Variants in OLFM3 observed in about 807,000 individuals in gnomAD.
OLFM3 encodes noelin-3.
A neutral mutation model predicts 48.6 loss-of-function variants in OLFM3; 20 were observed. The ratio of observed to expected loss-of-function variants is 0.41; its 90% CI spans 0.29 to 0.60. The LOEUF is 0.60. Ranked by LOEUF, OLFM3 falls within the 20% of genes least tolerant of loss-of-function variation. The pLI is 0.28. For missense variants in OLFM3, 437 were observed against 544.3 expected (o/e 0.80, Z 1.96); for synonymous variants, 222 against 198.1 (o/e 1.12, Z -1.01).
intron 1 of OLFM3, among the ~76,000 whole-genome samples, chr1:101,966,133 C>A (rs1224386557): frequency 6.6e-6 from 1 of 151,836 alleles, no homozygotes; most frequent in East Asian, 1.9e-4. Context: ...TTTTCTTTAA[C>A]CTTCTCATAT....
chr1:101,812,582 A>T, intron 4 of OLFM3: 1 of 985,542 alleles, frequency 1.0e-6, no homozygotes, highest in Non-Finnish European at 1.2e-6. Context: ...AGCCTTATCT[A>T]ATCGACATTT....
intron 1 of OLFM3, among the ~76,000 whole-genome samples, chr1:101,861,540 G>A (rs1235590052): frequency 6.6e-6 from 1 of 152,220 alleles, no homozygotes; most frequent in Non-Finnish European, 1.5e-5. Flanking sequence ...AATAGTTGCT[G>A]ATTGGCAGCT....
chr1:101,988,028 T>C (rs980367943), intron 1 of OLFM3, among the ~76,000 whole-genome samples: 2 of 152,102 alleles, frequency 1.3e-5, no homozygotes, highest in African/African-American at 4.8e-5. Flanking sequence ...GTTCTTGGAA[T>C]AATGTAGTAG....
intron 3 of OLFM3, among the ~76,000 whole-genome samples, chr1:101,830,236 C>T (rs1451861970): frequency 6.6e-6 from 1 of 151,984 alleles, no homozygotes; most frequent in African/African-American, 2.4e-5. Flanking sequence ...AAATAATTGC[C>T]AATACAACAC....
intron 1 of OLFM3, among the ~76,000 whole-genome samples, chr1:101,959,685 A>T (rs528024363): frequency 6.6e-6 from 1 of 152,258 alleles, no homozygotes; most frequent in Non-Finnish European, 1.5e-5. Context: ...AAGGTGACTC[A>T]ATCTCCAATG....
intron 1 of OLFM3, among the ~76,000 whole-genome samples, chr1:101,957,806 C>T (rs989653729): frequency 6.6e-6 from 1 of 151,968 alleles, no homozygotes; most frequent in Non-Finnish European, 1.5e-5. Flanking sequence ...CATCAGATAT[C>T]TAGCAATAAT....
intron 1 of OLFM3, among the ~76,000 whole-genome samples, chr1:101,889,877 T>C (rs1657920614): frequency 6.6e-6 from 1 of 152,082 alleles, no homozygotes; most frequent in African/African-American, 2.4e-5. Flanking sequence ...TCATATCATT[T>C]GAACCTATAA....
intron 1 of OLFM3, among the ~76,000 whole-genome samples, chr1:101,888,630 A>C (rs1657866645): frequency 1.3e-5 from 2 of 152,220 alleles, no homozygotes; most frequent in Admixed American, 6.5e-5. Flanking sequence ...CAATGGCAAC[A>C]AAAGCCAAAA....
intron 1 of OLFM3, among the ~76,000 whole-genome samples, chr1:101,981,359 T>C (rs947505961): frequency 6.6e-6 from 1 of 152,220 alleles, no homozygotes; most frequent in African/African-American, 2.4e-5. Flanking sequence ...ATTCCCATTT[T>C]AAAACAAATC....
intron 1 of OLFM3, among the ~76,000 whole-genome samples, chr1:101,993,435 C>G (rs1397037994): frequency 6.6e-6 from 1 of 152,050 alleles, no homozygotes; most frequent in Non-Finnish European, 1.5e-5. Flanking sequence ...ATAGTTCTTT[C>G]CCTATAAAAT....
At chr1:101,863,355 G>T (rs1432562559) in intron 1 of OLFM3, among the ~76,000 whole-genome samples, 1 of 152,174 alleles carries the variant, frequency 6.6e-6, no homozygotes, top group Non-Finnish European at 1.5e-5. Flanking sequence ...TCTGAGTTCT[G>T]CTTTCTGCTG....
At chr1:101,842,733 C>T (rs1422827678) in intron 1 of OLFM3, among the ~76,000 whole-genome samples, 1 of 152,178 alleles carries the variant, frequency 6.6e-6, no homozygotes, top group Non-Finnish European at 1.5e-5. Context: ...CACTGCTTTA[C>T]AGGCAGCCCC....
intron 1 of OLFM3, among the ~76,000 whole-genome samples, chr1:101,944,157 T>G (rs913882144): frequency 6.6e-6 from 1 of 151,914 alleles, no homozygotes; most frequent in Non-Finnish European, 1.5e-5. Flanking sequence ...CTGTGCCTAC[T>G]TCTATGTTAT....
chr1:101,896,799 G>A (rs1327390597), intron 1 of OLFM3, among the ~76,000 whole-genome samples: 1 of 147,944 alleles, frequency 6.8e-6, no homozygotes, highest in African/African-American at 2.5e-5. Flanking sequence ...TCCATTCTCT[G>A]ATCTCTTTTC....
chr1:101,812,639 G>A, intron 4 of OLFM3: 3 of 985,640 alleles, frequency 3.0e-6, no homozygotes, highest in African/African-American at 1.7e-5. Context: ...CTTTGGCTTC[G>A]ATGGTGCTTG....
At chr1:101,873,135 A>G (rs1657150903) in intron 1 of OLFM3, among the ~76,000 whole-genome samples, 2 of 151,970 alleles carry the variant, frequency 1.3e-5, no homozygotes, top group South Asian at 4.1e-4. Flanking sequence ...ATAAACATGA[A>G]GAAGAACTGA....
Position 101,811,264 on chromosome 1 carries a change from A to G in OLFM3, c.593-5082T>C, listed in dbSNP as rs12084765. Among the ~76,000 whole-genome samples, 868 of 152,200 alleles carry G rather than the reference A, an allele frequency of 5.7e-3. 10 individuals are homozygous for G. The highest frequency in any genetic ancestry group is 0.019 in the African/African-American group (810 of 41,554). ...TTTATGGCAACTTCAAGTTCTTTCT[A>G]TTGTCCAAGTGAATACAGATTTTGT... On this transcript the variant is annotated intron_variant, in intron 4 of 5. Transcript: ENST00000370103.
chr1:101,926,775 C>T (rs1301211394), intron 1 of OLFM3, among the ~76,000 whole-genome samples: 2 of 152,126 alleles, frequency 1.3e-5, no homozygotes, highest in Non-Finnish European at 2.9e-5. Context: ...TAGTTGTTTA[C>T]ACTTCACAAT....
At chr1:101,858,498 A>G (rs1656517978) in intron 1 of OLFM3, among the ~76,000 whole-genome samples, 1 of 152,016 alleles carries the variant, frequency 6.6e-6, no homozygotes, top group Admixed American at 6.6e-5. Flanking sequence ...CATAATGTGT[A>G]CAATGTGCAA....
Sources: gnomAD v4.1 joint callset for allele counts (sites outside exome capture counted in the v4.1 genomes callset) on GRCh38, gnomAD v4.1.1 for gene constraint, MANE v1.5 for transcripts, NCBI Gene and HGNC (gene_info 2026-07-23, HGNC 2026-07-21) for gene names.